The following STPG2 variants were observed in gnomAD, a reference collection of about 807,000 sequenced individuals.
STPG2 encodes sperm-tail PG-rich repeat-containing protein 2.
A neutral mutation model predicts 54.2 loss-of-function variants in STPG2; 56 were observed. The observed-to-expected ratio is 1.03, with a 90% CI of 0.83 to 1.29. The LOEUF (loss-of-function observed/expected upper bound fraction) is 1.29. STPG2 is among the 50% of genes most tolerant of loss of function. The pLI is 0.00. For missense variants in STPG2, 596 were observed against 544.9 expected, an observed-to-expected ratio of 1.09 and a Z score of -0.93; for synonymous variants, 200 against 181.8, an observed-to-expected ratio of 1.10 and a Z score of -0.81.
At chr4:97,964,512 G>C (rs1333579323) in intron 7 of STPG2, among the ~76,000 whole-genome samples, 1 of 152,080 alleles carries the variant, frequency 6.6e-6, no homozygotes, top group Non-Finnish European at 1.5e-5. Flanking sequence ...AGACTTATTT[G>C]AGCACACTTA....
At chr4:97,658,218 A>G (rs2148959067) in intron 10 of STPG2, among the ~76,000 whole-genome samples, 1 of 152,342 alleles carries the variant, frequency 6.6e-6, no homozygotes, top group Non-Finnish European at 1.5e-5. Flanking sequence ...AGGATTAAAT[A>G]TGACATATGC....
At chr4:98,083,502 G>A (rs1260669762) in intron 5 of STPG2, among the ~76,000 whole-genome samples, 1 of 152,074 alleles carries the variant, frequency 6.6e-6, no homozygotes, top group Non-Finnish European at 1.5e-5. Flanking sequence ...GAAAAAGACT[G>A]TATAAAAATA....
chr4:97,634,916 G>T (rs575968591), intron 10 of STPG2, among the ~76,000 whole-genome samples: 1 of 152,216 alleles, frequency 6.6e-6, no homozygotes, highest in South Asian at 2.1e-4. Context: ...AAAACACTCT[G>T]CAGGATATTA....
intron 5 of STPG2, among the ~76,000 whole-genome samples, chr4:98,071,236 G>A (rs748641116): frequency 2.6e-5 from 4 of 151,904 alleles, no homozygotes; most frequent in Non-Finnish European, 5.9e-5. Flanking sequence ...CAAATGAAAC[G>A]TAACAGAGAA....
intron 8 of STPG2, among the ~76,000 whole-genome samples, chr4:97,912,052 G>A (rs1214795413): frequency 6.6e-6 from 1 of 152,174 alleles, no homozygotes; most frequent in Admixed American, 6.5e-5. Flanking sequence ...GGACCCAGGC[G>A]ATTAGGGTCC....
intron 8 of STPG2, among the ~76,000 whole-genome samples, chr4:97,862,245 AG>A (rs1560559837): frequency 1.3e-5 from 2 of 151,824 alleles, no homozygotes; most frequent in Non-Finnish European, 2.9e-5. Context: ...AAAGGGATGG[AG>A]GAAGATCTAC....
At chr4:97,671,471 G>C (rs1052298742) in intron 10 of STPG2, among the ~76,000 whole-genome samples, 6 of 152,130 alleles carry the variant, frequency 3.9e-5, no homozygotes, top group African/African-American at 1.4e-4. Flanking sequence ...ATGCCTTTTA[G>C]CAACAAATTA....
intron 7 of STPG2, among the ~76,000 whole-genome samples, chr4:97,962,821 A>G (rs1733939883): frequency 6.6e-6 from 1 of 152,196 alleles, no homozygotes; most frequent in Non-Finnish European, 1.5e-5. Context: ...AGATCATGCT[A>G]ATAATCACTG....
Position 97,779,703 on chromosome 4 carries a change from T to A in STPG2, c.1204+61070A>T, listed in dbSNP as rs1338807992. Reference sequence around the variant, plus strand: ...AGAGAAAGATCGAGTTACCCACAAATGGAAGTCCATCAGACTAACAGCGGA... The same window carrying A: ...AGAGAAAGATCGAGTTACCCACAAAAGGAAGTCCATCAGACTAACAGCGGA... On this transcript the variant is annotated intron_variant, in intron 9 of 10. Transcript: ENST00000295268. Among the ~76,000 whole-genome samples the A allele has an allele frequency of 2.0e-5, 3 of 152,086 alleles. No homozygotes were observed. The East Asian group carries it at 5.8e-4, about 29-fold the overall frequency.
At chr4:97,655,905 C>A (rs574684139) in intron 10 of STPG2, among the ~76,000 whole-genome samples, 1 of 152,140 alleles carries the variant, frequency 6.6e-6, no homozygotes, top group Admixed American at 6.6e-5. Flanking sequence ...TTAGGACACA[C>A]CTTTTGTTCT....
chr4:97,459,430 GT>G (rs1169250681), intron 4 of STPG2, among the ~76,000 whole-genome samples: 2,961 of 134,850 alleles, frequency 0.022, 90 homozygotes, highest in African/African-American at 0.079. Flanking sequence ...AAGGATGCCT[GT>G]TTTTTTTTGT....
chr4:97,637,668 C>A (rs567011751), intron 10 of STPG2, among the ~76,000 whole-genome samples: 1 of 152,122 alleles, frequency 6.6e-6, no homozygotes, highest in South Asian at 2.1e-4. Flanking sequence ...AATCAATGTG[C>A]AAAAATCACA....
chr4:97,766,717 T>C (rs1039232541), intron 9 of STPG2, among the ~76,000 whole-genome samples: 5 of 152,068 alleles, frequency 3.3e-5, no homozygotes, highest in Non-Finnish European at 7.4e-5. Context: ...GAAAAATAAC[T>C]CTTTAGTAAG....
At chr4:97,618,379 AAATTCC>A (rs1271516957) in intron 10 of STPG2, among the ~76,000 whole-genome samples, 8 of 152,160 alleles carry the variant, frequency 5.3e-5, no homozygotes, top group Admixed American at 6.6e-5. Context: ...ACACAGTAGG[AAATTCC>A]AACTTCCCAA....
At chr4:97,932,580 T>G (rs1381385551) in intron 8 of STPG2, among the ~76,000 whole-genome samples, 1 of 152,148 alleles carries the variant, frequency 6.6e-6, no homozygotes, top group Non-Finnish European at 1.5e-5. Context: ...TGTGTTCTCA[T>G]TTTTCAGCTC....
chr4:97,849,468 T>C (rs1399395782), intron 8 of STPG2, among the ~76,000 whole-genome samples: 1 of 151,822 alleles, frequency 6.6e-6, no homozygotes, highest in Non-Finnish European at 1.5e-5. Flanking sequence ...GAAACTACCA[T>C]CAGAGTGAAC....
At chr4:97,592,284 A>C (rs2148899185) in intron 10 of STPG2, among the ~76,000 whole-genome samples, 1 of 152,274 alleles carries the variant, frequency 6.6e-6, no homozygotes, top group African/African-American at 2.4e-5. Flanking sequence ...AAAGCCAAAA[A>C]ATATTAGAAT....
At chr4:97,887,047 G>T (rs1470812620) in intron 8 of STPG2, among the ~76,000 whole-genome samples, 1 of 151,966 alleles carries the variant, frequency 6.6e-6, no homozygotes, top group East Asian at 1.9e-4. Flanking sequence ...TAGGATTCCT[G>T]TACAGCCTGT....
intron 8 of STPG2, among the ~76,000 whole-genome samples, chr4:97,912,818 T>G (rs1006236056): frequency 6.6e-6 from 1 of 152,224 alleles, no homozygotes; most frequent in Non-Finnish European, 1.5e-5. Context: ...TAAAGTTCTC[T>G]AGATGATTCT....
Sources: gnomAD v4.1 joint callset for allele counts (sites outside exome capture counted in the v4.1 genomes callset) on GRCh38, gnomAD v4.1.1 for gene constraint, MANE v1.5 for transcripts, NCBI Gene and HGNC (gene_info 2026-07-23, HGNC 2026-07-21) for gene names.